VPS13B: variants seen among roughly 807,000 people sequenced by gnomAD.
VPS13B encodes the protein intermembrane lipid transfer protein VPS13B.
Under a neutral mutation model 426.4 loss-of-function variants are expected in VPS13B, and 285 were observed. The observed-to-expected ratio is 0.67, with a 90% CI of 0.61 to 0.74. The LOEUF is 0.74. VPS13B is among the 30% of genes least tolerant of loss of function. VPS13B has a pLI of 0.00. For synonymous variants in VPS13B, 1,676 were observed against 1,676.4 expected (o/e 1.00, Z 0.01); for missense variants, 4,537 against 4,782.6 (o/e 0.95, Z 1.51).
intron 17 of VPS13B, among the ~76,000 whole-genome samples, chr8:99,271,195 AACTACTACTACTACTACTACTACTACT>A (rs10538522): frequency 2.8e-5 from 4 of 145,288 alleles, no homozygotes; most frequent in African/African-American, 1.0e-4. Context: ...TGCTACCACT[AACTACTACTACTACTACTACTACTACT>A]ACTACTACTA....
In VPS13B at chr8:99,013,809, T is replaced by G. The variant is rs752965551; in HGVS notation, c.21T>G (p.Thr7=). The part of the protein sequence containing the change: MLESYV[T]PILMSYVNRY... ...AAAAGATGCTGGAGTCATATGTAAC[T>G]CCAATTTTAATGAGCTATGTGAATC... The change falls in exon 2 of 62, where the codon ACT becomes ACG. Residue 7 remains threonine, a synonymous_variant. Coordinates refer to ENST00000357162, the MANE Select transcript of VPS13B (RefSeq NM_152564.5). The G allele has an allele frequency of 6.2e-7, 1 of 1,614,166 alleles. No individual in the cohort carries two copies. Among genetic ancestry groups the G allele is most frequent in the South Asian group, 1.1e-5 (1 of 91,082 alleles).
intron 43 of VPS13B, among the ~76,000 whole-genome samples, chr8:99,787,713 G>C (rs1439515585): frequency 6.6e-6 from 1 of 152,120 alleles, no homozygotes; most frequent in African/African-American, 2.4e-5. Flanking sequence ...GTTTAATTTA[G>C]ACAAACCAGC....
At chr8:99,587,284 T>C (rs1164484689) in intron 33 of VPS13B, among the ~76,000 whole-genome samples, 4 of 152,168 alleles carry the variant, frequency 2.6e-5, no homozygotes, top group Non-Finnish European at 5.9e-5. Flanking sequence ...AATAAACATA[T>C]GTGTGCATGT....
intron 14 of VPS13B, 52 bp from the exon 15 acceptor site, chr8:99,156,497 C>A: frequency 1.5e-5 from 24 of 1,588,322 alleles, no homozygotes; most frequent in Non-Finnish European, 1.7e-5. Context: ...GGAACTGCAA[C>A]TCAGTCACTG....
chr8:99,616,874 CT>C (rs1288657183), intron 33 of VPS13B, among the ~76,000 whole-genome samples: 7 of 152,268 alleles, frequency 4.6e-5, no homozygotes, highest in African/African-American at 1.7e-4. Flanking sequence ...CTATAAAGGA[CT>C]TTTTCCCCCA....
chr8:99,441,890 A>G (rs1343027741), intron 22 of VPS13B, among the ~76,000 whole-genome samples: 1 of 152,156 alleles, frequency 6.6e-6, no homozygotes, highest in South Asian at 2.1e-4. Flanking sequence ...TATAAAAGTG[A>G]AAGTATGTGA....
At chr8:99,240,143 T>G (rs1816844268) in intron 17 of VPS13B, among the ~76,000 whole-genome samples, 1 of 152,196 alleles carries the variant, frequency 6.6e-6, no homozygotes. Flanking sequence ...CTAAGTTATC[T>G]TTCATGTTTT....
chr8:99,153,064 G>A (rs1286546149), intron 14 of VPS13B, among the ~76,000 whole-genome samples: 2 of 152,156 alleles, frequency 1.3e-5, no homozygotes, highest in Admixed American at 1.3e-4. Context: ...CAGCTACTTG[G>A]GAGGCTGAGG....
intron 31 of VPS13B, among the ~76,000 whole-genome samples, chr8:99,569,448 A>G (rs572474242): frequency 1.7e-4 from 24 of 142,574 alleles, no homozygotes; most frequent in East Asian, 1.2e-3. Flanking sequence ...CACAAAAGGG[A>G]AAAAAAAAAA....
chr8:99,687,354 G>C (rs1831458214), intron 35 of VPS13B, among the ~76,000 whole-genome samples: 1 of 152,026 alleles, frequency 6.6e-6, no homozygotes, highest in Admixed American at 6.5e-5. Context: ...TGTCTGACTG[G>C]ATTGCATGCC....
At chr8:99,716,623 A>G (rs1832932980) in intron 36 of VPS13B, among the ~76,000 whole-genome samples, 1 of 152,204 alleles carries the variant, frequency 6.6e-6, no homozygotes, top group South Asian at 2.1e-4. Flanking sequence ...ACCTGCCACT[A>G]TCTGTTTTTA....
chr8:99,103,724 C>G (rs1846890588), intron 5 of VPS13B, among the ~76,000 whole-genome samples: 1 of 152,064 alleles, frequency 6.6e-6, no homozygotes, highest in Admixed American at 6.6e-5. Flanking sequence ...TGGTCTCCAT[C>G]TTTTGACCTT....
chr8:99,403,068 C>T (rs576589883), intron 21 of VPS13B, among the ~76,000 whole-genome samples: 1 of 152,198 alleles, frequency 6.6e-6, no homozygotes. Context: ...TATTGAATCC[C>T]ATAACCAAAA....
chr8:99,480,194 C>T (rs979419892), intron 24 of VPS13B, among the ~76,000 whole-genome samples: 1 of 152,086 alleles, frequency 6.6e-6, no homozygotes, highest in African/African-American at 2.4e-5. Flanking sequence ...TTCTTTAAAC[C>T]TCTGAATTTG....
chr8:99,650,732 A>G (rs1563844478), intron 34 of VPS13B, among the ~76,000 whole-genome samples: 1 of 152,280 alleles, frequency 6.6e-6, no homozygotes, highest in South Asian at 2.1e-4. Flanking sequence ...CTCAAAATAT[A>G]TTTTCAGACC....
intron 3 of VPS13B, among the ~76,000 whole-genome samples, chr8:99,065,979 C>G (rs966522374): frequency 6.6e-6 from 1 of 152,192 alleles, no homozygotes. Flanking sequence ...GAACTACAAA[C>G]CACTGCTCAA....
At chr8:99,519,390 G>A (rs1463995393) in intron 29 of VPS13B, among the ~76,000 whole-genome samples, 1 of 152,188 alleles carries the variant, frequency 6.6e-6, no homozygotes, top group African/African-American at 2.4e-5. Context: ...GGAAGTCAGT[G>A]TGGCAATTCC....
Position 99,853,744 on chromosome 8 carries a change from A to T in VPS13B, c.10355A>T (p.Glu3452Val), listed in dbSNP as rs200491378. The T allele has an allele frequency of 6.2e-7, 1 of 1,614,208 alleles. No individual in the cohort carries two copies. The highest frequency in any genetic ancestry group is 1.3e-5 in the African/African-American group (1 of 75,032). ...AVLVCQGEKA[E>V]PIQCSKMQSL... is the part of the protein sequence containing the mutation. ...TTAGTCTGCCAGGGAGAAAAAGCAG[A>T]ACCCATTCAGTGTTCCAAAATGCAG... is the stretch of plus-strand genomic sequence containing the variant. Residue 3452 changes from glutamate (E) to valine (V), a missense_variant, in exon 56 of 62, where the codon GAA (glutamate) becomes GTA (valine). By Grantham distance (121) the Glu-to-Val change is moderately radical. Around this residue, in one of 2 missense-constraint regions of VPS13B, gnomAD observed 4,311 missense variants for 4,474.3 expected, o/e 0.96. Coordinates refer to ENST00000357162, the MANE Select transcript of VPS13B (RefSeq NM_152564.5).
At chr8:99,480,602 T>C (rs926072360) in intron 24 of VPS13B, among the ~76,000 whole-genome samples, 3 of 152,134 alleles carry the variant, frequency 2.0e-5, no homozygotes, top group Admixed American at 6.5e-5. Flanking sequence ...TTTAATAAGA[T>C]TTTTAGCTAC....
Sources: allele counts gnomAD v4.1 joint callset (sites outside exome capture counted in the v4.1 genomes callset), GRCh38; gene constraint gnomAD v4.1.1; regional missense constraint gnomAD v4.1.1; transcripts MANE v1.5; gene names NCBI Gene and HGNC (gene_info 2026-07-23, HGNC 2026-07-21).